The following ENPP3 variants were observed in gnomAD, a reference collection of about 807,000 sequenced individuals.
ENPP3 encodes the protein ectonucleotide pyrophosphatase/phosphodiesterase 3, also known as ectonucleotide pyrophosphatase/phosphodiesterase family member 3.
ENPP3 carries 104 observed loss-of-function variants against 117.8 expected under a neutral mutation model. That is an observed-to-expected ratio of 0.88 (90% CI 0.75 to 1.04). ENPP3 has a LOEUF of 1.04. ENPP3 is among the 50% of genes least tolerant of loss of function. The pLI, the probability that ENPP3 is intolerant of heterozygous loss-of-function variation, is 0.00. For missense variants in ENPP3, 1,026 were observed against 1,051.9 expected (o/e 0.98, Z 0.34); for synonymous variants, 380 against 349.9 (o/e 1.09, Z -0.96).
At chr6:131,658,202 C>G in intron 5 of ENPP3, 121 bp from the exon 6 acceptor site, 1 of 627,436 alleles carries the variant, frequency 1.6e-6, no homozygotes, top group Non-Finnish European at 2.8e-6. Context: ...CAGTGTCTGG[C>G]TATGGCCCAA....
In ENPP3 at chr6:131,730,654, G is replaced by A. The variant is rs188291248; in HGVS notation, c.1954-2934G>A. Among the ~76,000 whole-genome samples the A allele has an allele frequency of 7.9e-4, 121 of 152,232 alleles. 1 individual carries two copies. The highest frequency in any genetic ancestry group is 1.0e-3 in the Admixed American group (16 of 15,284). On this transcript the variant is annotated intron_variant, in intron 20 of 24. Coordinates refer to ENST00000357639, the MANE Select transcript of ENPP3 (RefSeq NM_005021.5). The stretch of plus-strand genomic sequence containing the variant: ...AGACAGGTCAAGCGCAGTGGCTCAC[G>A]CCTGTAATCCCAGCACTTTGGGACG...
At chr6:131,691,359 C>A (rs150731407) in intron 14 of ENPP3, among the ~76,000 whole-genome samples, 1 of 151,976 alleles carries the variant, frequency 6.6e-6, no homozygotes, top group Non-Finnish European at 1.5e-5. Flanking sequence ...GAGGCCGAGG[C>A]GGGCGGATCA....
intron 6 of ENPP3, among the ~76,000 whole-genome samples, chr6:131,667,942 G>A (rs1453557265): frequency 1.3e-5 from 2 of 152,138 alleles, no homozygotes; most frequent in African/African-American, 4.8e-5. Context: ...GAAGACTGAA[G>A]CCCCTGCAGA....
chr6:131,650,964 G>A (rs1778249644), intron 3 of ENPP3, among the ~76,000 whole-genome samples: 1 of 151,838 alleles, frequency 6.6e-6, no homozygotes, highest in South Asian at 2.1e-4. Flanking sequence ...TTGTTGCCCA[G>A]GCCGGATTGC....
At position 131,722,317 on chromosome 6, in the gene ENPP3, C is replaced by A. The variant is rs752147312; in HGVS notation, c.1658C>A (p.Ala553Glu). The change falls in exon 18 of 25, where the codon GCA (alanine) becomes GAA (glutamate). Residue 553 changes from alanine to glutamate, a missense_variant. By Grantham distance (107) the Ala-to-Glu change is moderately radical. Transcript: ENST00000357639. ...GTGCCTTTTTATGAGCCATCCCATG[C>A]AGAGGAGGTGTCAAAGTTTTCTGTT... is the stretch of plus-strand genomic sequence containing the variant. Reference protein sequence around the residue: ...LKVPFYEPSHAEEVSKFSVCG... With the variant: ...LKVPFYEPSHEEEVSKFSVCG... 1 of 1,613,894 alleles carries A rather than the reference C, an allele frequency of 6.2e-7. No individual in the cohort carries two copies. Among genetic ancestry groups the A allele is most frequent in the South Asian group, 1.1e-5 (1 of 91,070 alleles).
intron 11 of ENPP3, among the ~76,000 whole-genome samples, chr6:131,681,651 TCTA>T (rs1322007688): frequency 1.3e-5 from 2 of 152,272 alleles, no homozygotes; most frequent in South Asian, 4.1e-4. Flanking sequence ...GAACTCCAAT[TCTA>T]CTATTTAGAG....
At chr6:131,741,241 A>G (rs973012978) in intron 24 of ENPP3, among the ~76,000 whole-genome samples, 2 of 152,314 alleles carry the variant, frequency 1.3e-5, no homozygotes, top group South Asian at 2.1e-4. Flanking sequence ...TTGAGTACCT[A>G]TTAAGCACAT....
rs373063145 is a variant in ENPP3, at chr6:131,674,143, T to C, written c.643-19T>C. Reference sequence around the variant, plus strand: ...TACTAATATTTTATCTTACATCTTTTTTGAAATTATCATTTTAGGGCTTGT... The same window carrying C: ...TACTAATATTTTATCTTACATCTTTCTTGAAATTATCATTTTAGGGCTTGT... On this transcript the variant is annotated intron_variant, in intron 7 of 24. Transcript: ENST00000357639. 112 of 1,446,788 alleles carry C rather than the reference T, an allele frequency of 7.7e-5. No individual in the cohort carries two copies. The highest frequency in any genetic ancestry group is 1.0e-4 in the Non-Finnish European group (107 of 1,038,830). 89.6% of individuals were successfully genotyped at this position (1,446,788 alleles called of 1,614,324 possible).
intron 7 of ENPP3, among the ~76,000 whole-genome samples, 195 bp downstream of exon 7, chr6:131,671,522 T>C (rs1778741616): frequency 6.6e-6 from 1 of 152,202 alleles, no homozygotes; most frequent in South Asian, 2.1e-4. Context: ...GAATGAACTA[T>C]GAATAAGTGT....
chr6:131,681,123 C>T (rs539434413), intron 11 of ENPP3, among the ~76,000 whole-genome samples: 4 of 152,266 alleles, frequency 2.6e-5, no homozygotes, highest in Admixed American at 2.0e-4. Flanking sequence ...GTAACTCTCG[C>T]TGGCAAACCA....
In ENPP3 at chr6:131,637,370, G is replaced by A. The variant is rs370735300; in HGVS notation, c.-15G>A. The A allele has an allele frequency of 9.0e-6, 14 of 1,563,840 alleles. No individual in the cohort carries two copies. Among genetic ancestry groups the A allele is most frequent in the African/African-American group, 1.4e-5 (1 of 72,984 alleles). ...ATTTATTCTGATAAAACAGGTCTAT[G>A]CAGCTACCAGGACAATGGAATCTAC... On this transcript the variant is annotated 5_prime_UTR_variant, in exon 1 of 25. It removes an upstream start codon present in the reference 5' UTR. Transcript: ENST00000357639.
intron 22 of ENPP3, 44 bp downstream of exon 22, chr6:131,737,476 C>A: frequency 1.9e-6 from 2 of 1,069,218 alleles, no homozygotes; most frequent in Middle Eastern, 2.7e-4. Context: ...AGTTAAGTGA[C>A]TCCTTGAACT....
intron 6 of ENPP3, among the ~76,000 whole-genome samples, chr6:131,659,815 A>AT (rs1399756871): frequency 6.6e-6 from 1 of 152,138 alleles, no homozygotes; most frequent in Non-Finnish European, 1.5e-5. Flanking sequence ...CTATCTTCTT[A>AT]TCTAAATTTG....
At chr6:131,724,889 A>G (rs1780119564) in intron 19 of ENPP3, among the ~76,000 whole-genome samples, 1 of 152,058 alleles carries the variant, frequency 6.6e-6, no homozygotes, top group Admixed American at 6.6e-5. Context: ...GTGCAAAATT[A>G]ATTGTGTTTT....
chr6:131,671,326 C>T lies in ENPP3; in HGVS notation c.641C>T (p.Thr214Met), dbSNP rs755598795. ...TTCCCAAATCATTACACCATTGTCACGGTAAGTGCTTGACCCAGTGGTAAG... is the reference window on the plus strand; with the variant it reads ...TTCCCAAATCATTACACCATTGTCATGGTAAGTGCTTGACCCAGTGGTAAG... ...KTFPNHYTIV[T>M]GLYPESHGII... The change falls in exon 7 of 25, where the codon ACG (threonine) becomes ATG (methionine). Residue 214 changes from threonine to methionine, a missense_variant and splice_region_variant. Coordinates refer to ENST00000357639, the MANE Select transcript of ENPP3 (RefSeq NM_005021.5). The T allele has an allele frequency of 3.7e-5, 58 of 1,582,280 alleles. No individual in the cohort carries two copies. Among genetic ancestry groups the T allele is most frequent in the Admixed American group, 6.7e-5 (4 of 59,884 alleles).
In ENPP3 at chr6:131,643,416, G is replaced by A. The variant is rs189627524; in HGVS notation, c.154+1886G>A. 1.3e-4 allele frequency among the ~76,000 whole-genome samples: 20 copies of A among 152,224 alleles called. 1 individual carries two copies. Among genetic ancestry groups the A allele is most frequent in the African/African-American group, 4.8e-4 (20 of 41,556 alleles). ...AGTACACCCATTGGCTGGCTTCCCG[G>A]AGTCATTTTTCCTTGTCCTCGTCCT... On this transcript the variant is annotated intron_variant, in intron 2 of 24. Coordinates refer to ENST00000357639, the MANE Select transcript of ENPP3 (RefSeq NM_005021.5).
In ENPP3 at chr6:131,693,583, C is replaced by CA. The variant is rs1327167932; in HGVS notation, c.1374dup (p.Val459SerfsTer13). On this transcript the variant is annotated frameshift_variant, in exon 15 of 25. Coordinates refer to ENST00000357639, the MANE Select transcript of ENPP3 (RefSeq NM_005021.5). LOFTEE classifies it high-confidence loss of function. ...ACTATGCCAAGAACGTCAGAATCGA[C>CA]AAAGTTCATCTCTTTGTGGATCAAC... 1 of 1,613,914 alleles carries CA rather than the reference C, an allele frequency of 6.2e-7. No homozygotes were observed. Among genetic ancestry groups the CA allele is most frequent in the Admixed American group, 1.7e-5 (1 of 59,998 alleles).
intron 2 of ENPP3, among the ~76,000 whole-genome samples, chr6:131,645,333 C>A (rs1004290595): frequency 1.3e-5 from 2 of 152,214 alleles, no homozygotes; most frequent in Non-Finnish European, 2.9e-5. Context: ...TTCAACTTAC[C>A]TCTCCACCAG....
At chr6:131,722,104 T>C in intron 17 of ENPP3, 123 bp from the exon 18 acceptor site, 1 of 672,062 alleles carries the variant, frequency 1.5e-6, no homozygotes, top group Non-Finnish European at 2.5e-6. Context: ...AGTACATAGC[T>C]TCGTTACAGC....
Sources: allele counts gnomAD v4.1 joint callset (sites outside exome capture counted in the v4.1 genomes callset), GRCh38; gene constraint gnomAD v4.1.1; transcripts MANE v1.5; gene names NCBI Gene and HGNC (gene_info 2026-07-23, HGNC 2026-07-21).